The following TMEM64 variants were observed in gnomAD, a reference collection of about 807,000 sequenced individuals.
TMEM64 encodes transmembrane protein 64.
In TMEM64, 19 loss-of-function variants were observed where a neutral mutation model predicts 24.5. The observed-to-expected ratio is 0.78, with a 90% CI of 0.54 to 1.14. TMEM64 has a LOEUF of 1.14. Ranked by LOEUF, TMEM64 falls within the 50% of genes most tolerant of loss-of-function variation. The pLI is 0.00. For missense variants in TMEM64, 487 were observed against 493.0 expected (o/e 0.99, Z 0.12); for synonymous variants, 262 against 224.7 (o/e 1.17, Z -1.49).
Position 90,622,464 on chromosome 8 carries a change from C to T in TMEM64, c.*3207G>A, listed in dbSNP as rs1305132126. The T allele has an allele frequency of 6.6e-6, 1 of 152,200 alleles. No individual in the cohort carries two copies. The highest frequency in any genetic ancestry group is 2.4e-5 in the African/African-American group (1 of 41,440). The allele number at this position is 152,200 out of a possible 1,614,324, so 9.4% of individuals were successfully genotyped here. Reference sequence around the variant, plus strand: ...TGTTTTTCCTGGGGTCTATGTAAAACTCTCCTTTTCTCTGCAAATGCTGCT... The same window carrying T: ...TGTTTTTCCTGGGGTCTATGTAAAATTCTCCTTTTCTCTGCAAATGCTGCT... On this transcript the variant is annotated 3_prime_UTR_variant, in exon 3 of 3. Transcript: ENST00000458549.
chr8:90,625,992 CA>C (rs1418416414), intron 2 of TMEM64, 130 bp from the exon 3 acceptor site: 2 of 660,832 alleles, frequency 3.0e-6, no homozygotes, highest in Non-Finnish European at 5.0e-6. Flanking sequence ...AAGGGTTATA[CA>C]TTTTTAAATA....
At position 90,625,149 on chromosome 8, in the gene TMEM64, TTAAC is replaced by T. The variant is rs1309642497; in HGVS notation, c.*518_*521del. 4 of 152,544 alleles carry T rather than the reference TTAAC, an allele frequency of 2.6e-5. No individual in the cohort carries two copies. Among genetic ancestry groups the T allele is most frequent in the African/African-American group, 9.7e-5 (4 of 41,432 alleles). The allele number at this position is 152,544 out of a possible 1,614,324, so 9.4% of individuals were successfully genotyped here. On this transcript the variant is annotated 3_prime_UTR_variant, in exon 3 of 3. Transcript: ENST00000458549. ...TCAACTGAAAATTAATGTCTGTTCT[TTAAC>T]TAGTAAGGAAACGGGAAGCTAAGTG... is the stretch of plus-strand genomic sequence containing the variant.
chr8:90,631,717 T>G lies in TMEM64; in HGVS notation c.796-10A>C. 6.2e-7 allele frequency: 1 copy of G among 1,603,602 alleles called. No individual in the cohort carries two copies. The highest frequency in any genetic ancestry group is 8.5e-7 in the Non-Finnish European group (1 of 1,172,396). On this transcript the variant is annotated splice_polypyrimidine_tract_variant and intron_variant, in intron 1 of 2. Transcript: ENST00000458549. ...ATGAGAGATCAGTAATCTAGAAGAG[T>G]AGATTAAAGGGAATGATTCATTACC...
At chr8:90,629,307 G>A (rs1809405728) in intron 2 of TMEM64, among the ~76,000 whole-genome samples, 2 of 152,096 alleles carry the variant, frequency 1.3e-5, no homozygotes, top group South Asian at 4.1e-4. Flanking sequence ...AGAAATCACT[G>A]AATAAAAGAA....
rs28521858 is a variant in TMEM64 at position 90,646,069 on chromosome 8, G to A, written c.-164C>T. ...GGCGCGGAGTCAGCGGAGGAGCGAC[G>A]GCCAGGCGGGGAGTGAGGAAACTCC... On this transcript the variant is annotated 5_prime_UTR_variant, in exon 1 of 3. Transcript: ENST00000458549. The A allele has an allele frequency of 0.061, 14,327 of 233,044 alleles. 2,098 individuals are homozygous for A. The highest frequency in any genetic ancestry group is 0.31 in the African/African-American group (13,206 of 43,112). The allele number at this position is 233,044 out of a possible 1,614,324, so 14.4% of individuals were successfully genotyped here.
At chr8:90,631,502 C>A in intron 2 of TMEM64, 50 bp downstream of exon 2, 1 of 1,419,360 alleles carries the variant, frequency 7.0e-7, no homozygotes, top group Non-Finnish European at 9.4e-7. Flanking sequence ...CAATGCCATA[C>A]AAAAAGAAAC....
At chr8:90,641,161 CT>C (rs1403922485) in intron 1 of TMEM64, among the ~76,000 whole-genome samples, 1 of 152,082 alleles carries the variant, frequency 6.6e-6, no homozygotes, top group African/African-American at 2.4e-5. Context: ...AGTTGGCAAA[CT>C]TTTTCCATGA....
At chr8:90,638,017 A>C (rs1253686370) in intron 1 of TMEM64, among the ~76,000 whole-genome samples, 4 of 151,998 alleles carry the variant, frequency 2.6e-5, no homozygotes, top group Admixed American at 2.0e-4. Context: ...TGTCAACCGC[A>C]CCTTCTCTGG....
chr8:90,635,877 AC>A (rs1298700905), intron 1 of TMEM64, among the ~76,000 whole-genome samples: 1 of 152,182 alleles, frequency 6.6e-6, no homozygotes, highest in Non-Finnish European at 1.5e-5. Flanking sequence ...CACAACCTTT[AC>A]CTTTAAATGT....
intron 2 of TMEM64, among the ~76,000 whole-genome samples, chr8:90,629,523 T>C (rs1379454129): frequency 6.6e-6 from 1 of 152,120 alleles, no homozygotes; most frequent in East Asian, 1.9e-4. Context: ...AAAAAAATGC[T>C]TAACTTCATA....
intron 2 of TMEM64, among the ~76,000 whole-genome samples, chr8:90,627,312 G>C (rs976199306): frequency 6.6e-6 from 1 of 152,064 alleles, no homozygotes; most frequent in African/African-American, 2.4e-5. Flanking sequence ...CAGTAAAATC[G>C]TAAATAAGTT....
At chr8:90,638,365 T>A (rs1306902475) in intron 1 of TMEM64, among the ~76,000 whole-genome samples, 1 of 152,126 alleles carries the variant, frequency 6.6e-6, no homozygotes, top group Non-Finnish European at 1.5e-5. Context: ...TTCTTCCCAC[T>A]CCATTTACTC....
chr8:90,632,022 T>G (rs1458700124), intron 1 of TMEM64, among the ~76,000 whole-genome samples: 1 of 152,276 alleles, frequency 6.6e-6, no homozygotes, highest in African/African-American at 2.4e-5. Context: ...TAAGTCTTCC[T>G]CATATCATTA....
intron 1 of TMEM64, among the ~76,000 whole-genome samples, chr8:90,635,452 T>C (rs1054534569): frequency 6.6e-6 from 1 of 151,910 alleles, no homozygotes; most frequent in African/African-American, 2.4e-5. Flanking sequence ...TAGAGTGCAA[T>C]GGCAGGGAAA....
Position 90,645,676 on chromosome 8 carries a change from T to G in TMEM64, c.230A>C (p.Glu77Ala). The change falls in exon 1 of 3, where the codon GAG becomes GCG. Residue 77 changes from glutamate (E) to alanine (A), a missense_variant. Physicochemically the swap from Glu to Ala is moderately radical, Grantham distance 107. This residue lies in a region of TMEM64 where 419 missense variants were observed against 407.5 expected (regional missense o/e 1.03). Coordinates refer to ENST00000458549, the MANE Select transcript of TMEM64 (RefSeq NM_001008495.4). This position sits in a 1 kb window ranked among gnomAD's most constrained non-coding sequence, Gnocchi z 4.2. ...GCCCGGCTCCGGCAGCTCCGAAGCC[T>G]CGGGCGGACCGTGGCGCTCCAGATA... Reference protein sequence around the residue: ...GAYLERHGPPEASELPEPGGA... With the variant: ...GAYLERHGPPAASELPEPGGA... 4 of 1,498,198 alleles carry G rather than the reference T, an allele frequency of 2.7e-6. No individual in the cohort carries two copies. The highest frequency in any genetic ancestry group is 3.5e-6 in the Non-Finnish European group (4 of 1,131,666). The allele number at this position is 1,498,198 out of a possible 1,614,324, so 92.8% of individuals were successfully genotyped here.
Position 90,631,683 on chromosome 8 carries a change from A to G in TMEM64, c.820T>C (p.Tyr274His), listed in dbSNP as rs924058081. ...AGTCCAACCGAAGATGCCATCAGAT[A>G]GTTGGGTAATGAGAGATCAGTAATC... ...FSITDLSLPN[Y>H]LMASSVGLLP... The change falls in exon 2 of 3, where the codon TAT becomes CAT. Residue 274 changes from tyrosine to histidine, a missense_variant. Physicochemically the swap from Tyr to His is moderately conservative, Grantham distance 83 (BLOSUM62 2). Transcript: ENST00000458549. The G allele has an allele frequency of 6.2e-7, 1 of 1,613,632 alleles. No homozygotes were observed. Among genetic ancestry groups the G allele is most frequent in the Non-Finnish European group, 8.5e-7 (1 of 1,179,606 alleles).
At position 90,645,371 on chromosome 8, in the gene TMEM64, T is replaced by C. The variant is rs200134832; in HGVS notation, c.535A>G (p.Ile179Val). The stretch of plus-strand genomic sequence containing the variant: ...TAGCCAGCGGCCACGTTGAGCACGA[T>C]GTAGCCCCAGCCGCAGGGGAAAGAG... Reference protein sequence around the residue: ...VVSFPCGWGYIVLNVAAGYLY... With the variant: ...VVSFPCGWGYVVLNVAAGYLY... Residue 179 changes from isoleucine (I) to valine (V), a missense_variant, in exon 1 of 3, where the codon ATC (isoleucine) becomes GTC (valine). Ile to Val is a conservative substitution (Grantham distance 29). This residue lies in a region of TMEM64 where 419 missense variants were observed against 407.5 expected (regional missense o/e 1.03). Coordinates refer to ENST00000458549, the MANE Select transcript of TMEM64 (RefSeq NM_001008495.4). The surrounding 1 kb of genome is among the most constrained non-coding windows in gnomAD (Gnocchi z 4.2). The C allele has an allele frequency of 5.8e-6, 9 of 1,551,934 alleles. No homozygotes were observed. The highest frequency in any genetic ancestry group is 7.0e-6 in the Non-Finnish European group (8 of 1,147,244).
chr8:90,625,911 A>G, intron 2 of TMEM64, 49 bp from the exon 3 acceptor site: 2 of 1,376,108 alleles, frequency 1.5e-6, no homozygotes, highest in Non-Finnish European at 2.0e-6. Flanking sequence ...TATACAAAAA[A>G]AAGAAATAAA....
At chr8:90,640,547 G>A (rs1354799944) in intron 1 of TMEM64, among the ~76,000 whole-genome samples, 2 of 152,032 alleles carry the variant, frequency 1.3e-5, no homozygotes, top group South Asian at 4.1e-4. Context: ...AAATCACTTC[G>A]CCAGGGCTAC....
Sources: gnomAD v4.1 joint callset for allele counts (sites outside exome capture counted in the v4.1 genomes callset) on GRCh38, gnomAD v4.1.1 for gene constraint, gnomAD v4.1.1 regional missense constraint, Gnocchi (gnomAD v3.1) non-coding constraint, MANE v1.5 for transcripts, NCBI Gene and HGNC (gene_info 2026-07-23, HGNC 2026-07-21) for gene names.